Variants in ARID1B observed in about 807,000 individuals in gnomAD.
ARID1B encodes AT-rich interaction domain 1B, also known as AT-rich interactive domain-containing protein 1B.
Under a neutral mutation model 212.3 loss-of-function variants are expected in ARID1B, and 30 were observed. That is an observed-to-expected ratio of 0.14 (90% CI 0.11 to 0.19). The LOEUF (loss-of-function observed/expected upper bound fraction) is 0.19. Ranked by LOEUF, ARID1B falls within the 10% of genes least tolerant of loss-of-function variation. The pLI, the probability that ARID1B is intolerant of heterozygous loss-of-function variation, is 1.00. For missense variants in ARID1B, 2,891 were observed against 3,204.0 expected (o/e 0.90, Z 2.36); for synonymous variants, 1,402 against 1,301.7 (o/e 1.08, Z -1.66).
chr6:156,993,187 A>C (rs1244441504), intron 4 of ARID1B, among the ~76,000 whole-genome samples: 1 of 152,004 alleles, frequency 6.6e-6, no homozygotes, highest in African/African-American at 2.4e-5. Context: ...GATTACAGGC[A>C]ACCGCCATCA....
At chr6:156,798,781 T>G (rs1369523497) in intron 1 of ARID1B, among the ~76,000 whole-genome samples, 6 of 152,218 alleles carry the variant, frequency 3.9e-5, no homozygotes, top group African/African-American at 1.4e-4. Flanking sequence ...GGGAGTTAGT[T>G]TTGGTCATTG....
chr6:157,178,722 CTTAAG>C (rs774006664), intron 11 of ARID1B, among the ~76,000 whole-genome samples: 18 of 152,126 alleles, frequency 1.2e-4, no homozygotes, highest in Non-Finnish European at 2.2e-4. Context: ...GTTAATTAAA[CTTAAG>C]TTTATTTAAC....
At chr6:156,895,820 T>C (rs1194223806) in intron 2 of ARID1B, among the ~76,000 whole-genome samples, 1 of 152,296 alleles carries the variant, frequency 6.6e-6, no homozygotes, top group East Asian at 1.9e-4. Flanking sequence ...CACATCTTTC[T>C]TTTTATAAAG....
chr6:156,801,269 C>T (rs781625300), intron 1 of ARID1B, among the ~76,000 whole-genome samples: 4 of 146,692 alleles, frequency 2.7e-5, no homozygotes, highest in African/African-American at 5.1e-5. Context: ...GGTGCAATCT[C>T]GGCTCACTGC....
At chr6:156,968,519 T>C (rs192982508) in intron 4 of ARID1B, among the ~76,000 whole-genome samples, 21 of 152,354 alleles carry the variant, frequency 1.4e-4, no homozygotes, top group Admixed American at 1.2e-3. Flanking sequence ...ATCGTCTTTT[T>C]CATGCTCTCT....
chr6:157,108,833 C>T (rs560961074), intron 5 of ARID1B, among the ~76,000 whole-genome samples: 214 of 152,278 alleles, frequency 1.4e-3, no homozygotes, highest in Non-Finnish European at 2.1e-3. Context: ...TAAAAAGCAG[C>T]TTCTAGTGGT....
chr6:156,778,072 C>A lies in ARID1B; in HGVS notation c.392C>A (p.Ser131Tyr). 2 of 1,539,396 alleles carry A rather than the reference C, an allele frequency of 1.3e-6. No individual in the cohort carries two copies. Among genetic ancestry groups the A allele is most frequent in the Non-Finnish European group, 1.7e-6 (2 of 1,146,302 alleles). The change falls in exon 1 of 20, where the codon TCC becomes TAC. Residue 131 changes from serine (S) to tyrosine (Y), a missense_variant. Ser to Tyr is a moderately radical substitution (Grantham distance 144, BLOSUM62 -2). This residue lies in a region of ARID1B where 1,643 missense variants were observed against 1,544.0 expected (regional missense o/e 1.06). Transcript: ENST00000636930. ...TCCTCCGCGGCGGCAGCGGCGGCAT[C>A]CTCTTCCTCCTCGTCGGGCCCGGGC... The part of the protein sequence containing the change: ...SSSSAAAAAA[S>Y]SSSSSGPGSA...
chr6:156,883,599 C>G (rs1000390918), intron 2 of ARID1B, among the ~76,000 whole-genome samples: 1 of 151,788 alleles, frequency 6.6e-6, no homozygotes, highest in African/African-American at 2.4e-5. Context: ...ACACATCAGC[C>G]CCAGCACTCG....
At chr6:157,153,386 A>C (rs1790339130) in intron 8 of ARID1B, among the ~76,000 whole-genome samples, 1 of 152,188 alleles carries the variant, frequency 6.6e-6, no homozygotes, top group Non-Finnish European at 1.5e-5. Context: ...ACACACTGAT[A>C]CCCTTTTTAT....
chr6:157,181,080 A>C lies in ARID1B; in HGVS notation c.3616A>C (p.Arg1206=). The part of the protein sequence containing the change: ...VDRYLTFMEE[R]GSPVSSLPAV... ...CCGATACCTCACCTTCATGGAAGAG[A>C]GAGGCTCTCCTGTCTCAAGTCTGCC... The change falls in exon 12 of 20, where the codon AGA becomes CGA. Residue 1206 remains arginine (R), a synonymous_variant. Coordinates refer to ENST00000636930, the MANE Select transcript of ARID1B (RefSeq NM_001374828.1). 1.2e-6 allele frequency: 2 copies of C among 1,614,160 alleles called. No individual in the cohort carries two copies. The highest frequency in any genetic ancestry group is 1.7e-6 in the Non-Finnish European group (2 of 1,180,032).
chr6:157,006,880 T>A (rs1260574092), intron 4 of ARID1B, among the ~76,000 whole-genome samples: 1 of 152,260 alleles, frequency 6.6e-6, no homozygotes, highest in Non-Finnish European at 1.5e-5. Context: ...TAATCCTAAA[T>A]TACTCTTCCT....
intron 4 of ARID1B, among the ~76,000 whole-genome samples, chr6:157,016,266 G>A (rs541208593): frequency 9.5e-4 from 145 of 152,256 alleles, no homozygotes; most frequent in African/African-American, 3.4e-3. Context: ...CCCCCTCAAT[G>A]TAATTTTAAA....
chr6:156,873,109 G>A lies in ARID1B; in HGVS notation c.1987-28267G>A, dbSNP rs796504350. On this transcript the variant is annotated intron_variant, in intron 2 of 19. Transcript: ENST00000636930. ...AGCCTACAAGCACGCCAGCAGCCCC[G>A]TGCATGGCTTCTCATGTCTGCTCCT... 7.9e-5 allele frequency among the ~76,000 whole-genome samples: 12 copies of A among 152,238 alleles called. 1 individual carries two copies. The highest frequency in any genetic ancestry group is 2.9e-4 in the African/African-American group (12 of 41,520).
intron 4 of ARID1B, among the ~76,000 whole-genome samples, chr6:157,007,142 C>T (rs1156893386): frequency 6.6e-6 from 1 of 152,200 alleles, no homozygotes; most frequent in Non-Finnish European, 1.5e-5. Context: ...GGAAACACCC[C>T]TGAAGGACTC....
At position 157,140,497 on chromosome 6, in the gene ARID1B, CT is replaced by C. The variant is rs1789269369; in HGVS notation, c.2761+7291del. 1.8e-5 allele frequency: 7 copies of C among 396,712 alleles called. No individual in the cohort carries two copies. The South Asian group carries it at 9.7e-4, about 55-fold the overall frequency. The allele number at this position is 396,712 out of a possible 1,614,324, so 24.6% of individuals were successfully genotyped here. On this transcript the variant is annotated intron_variant, in intron 7 of 19. Transcript: ENST00000636930. Reference sequence around the variant, plus strand: ...TAAAAATAAAAAGAACACTTTTTGCCTATTCCTTGGCTGATTTTATCTATTC... The same window carrying C: ...TAAAAATAAAAAGAACACTTTTTGCCATTCCTTGGCTGATTTTATCTATTC...
At chr6:157,146,649 T>C (rs1483315836) in intron 7 of ARID1B, among the ~76,000 whole-genome samples, 2 of 152,168 alleles carry the variant, frequency 1.3e-5, no homozygotes, top group African/African-American at 4.8e-5. Flanking sequence ...TGCACGTGCA[T>C]GCACACACAC....
chr6:156,786,932 G>A (rs538591764), intron 1 of ARID1B, among the ~76,000 whole-genome samples: 32 of 148,066 alleles, frequency 2.2e-4, no homozygotes, highest in African/African-American at 7.9e-4. Flanking sequence ...TGGGTCAGCA[G>A]TCTATTTGGC....
intron 3 of ARID1B, among the ~76,000 whole-genome samples, chr6:156,929,150 G>A (rs12192440): frequency 0.16 from 24,052 of 152,130 alleles, 2,044 homozygotes; most frequent in Non-Finnish European, 0.19. Flanking sequence ...TGGTGGTGTC[G>A]TTAGGATGAA....
intron 7 of ARID1B, among the ~76,000 whole-genome samples, chr6:157,139,631 T>C (rs1192589507): frequency 2.0e-5 from 3 of 152,072 alleles, no homozygotes; most frequent in East Asian, 3.9e-4. Flanking sequence ...CCATAGAGAC[T>C]TGACTGTTCA....
Sources: allele counts gnomAD v4.1 joint callset (sites outside exome capture counted in the v4.1 genomes callset), GRCh38; gene constraint gnomAD v4.1.1; regional missense constraint gnomAD v4.1.1; transcripts MANE v1.5; gene names NCBI Gene and HGNC (gene_info 2026-07-23, HGNC 2026-07-21).